Variants in ZMIZ1 observed in about 807,000 individuals in gnomAD.
ZMIZ1 encodes the protein zinc finger MIZ-type containing 1, also known as zinc finger MIZ domain-containing protein 1.
ZMIZ1 carries 17 observed loss-of-function variants against 113.9 expected under a neutral mutation model. The observed-to-expected ratio is 0.15, with a 90% CI of 0.10 to 0.22. The LOEUF is 0.22. Among genes scored for constraint, ZMIZ1 ranks in the 10% least tolerant of loss-of-function variants. The pLI is 1.00. For missense variants in ZMIZ1, 1,059 were observed against 1,477.8 expected (o/e 0.72, Z 4.65); for synonymous variants, 607 against 603.1 (o/e 1.01, Z -0.09).
At chr10:79,070,047 C>G (rs1842204261) in intron 1 of ZMIZ1, among the ~76,000 whole-genome samples, 1 of 151,622 alleles carries the variant, frequency 6.6e-6, no homozygotes, top group Admixed American at 6.6e-5. Context: ...AGTAATTTCC[C>G]CGTGTTCTTT....
At chr10:79,149,711 C>T (rs1031726058) in intron 3 of ZMIZ1, among the ~76,000 whole-genome samples, 9 of 152,206 alleles carry the variant, frequency 5.9e-5, no homozygotes, top group Non-Finnish European at 1.3e-4. Flanking sequence ...TGCAAGAGCT[C>T]GCCCTCCAGG....
At position 79,169,239 on chromosome 10, in the gene ZMIZ1, C is replaced by T. The variant is rs569392777; in HGVS notation, c.-50+7106C>T. ...TCTCTGGTCCCTGGCCTCACCCAGA[C>T]TTCCCGTCACAACCCCTGACCCCTG... On this transcript the variant is annotated intron_variant, in intron 4 of 24. Transcript: ENST00000334512. 2.6e-5 allele frequency among the ~76,000 whole-genome samples: 4 copies of T among 152,346 alleles called. No individual in the cohort carries two copies. In the East Asian group the frequency reaches 7.7e-4, roughly 29 times the overall value.
At position 79,183,364 on chromosome 10, in the gene ZMIZ1, A is replaced by G. The variant is rs936879719; in HGVS notation, c.-49-18220A>G. Among the ~76,000 whole-genome samples the G allele has an allele frequency of 4.8e-4, 71 of 148,344 alleles. No individual in the cohort carries two copies. The South Asian group carries it at 6.1e-3, about 13-fold the overall frequency. On this transcript the variant is annotated intron_variant, in intron 4 of 24. Transcript: ENST00000334512. Reference sequence around the variant, plus strand: ...GCCTGAGGCTCGTGCACGCGCACACACACACACACACACACACACGCACAC... The same window carrying G: ...GCCTGAGGCTCGTGCACGCGCACACGCACACACACACACACACACGCACAC...
At chr10:79,165,443 G>T (rs1410474826) in intron 4 of ZMIZ1, among the ~76,000 whole-genome samples, 1 of 152,206 alleles carries the variant, frequency 6.6e-6, no homozygotes, top group African/African-American at 2.4e-5. Context: ...AGGGAGGAGG[G>T]TGTGTGGCTG....
intron 1 of ZMIZ1, among the ~76,000 whole-genome samples, chr10:79,100,887 C>T (rs1420513281): frequency 6.6e-6 from 1 of 152,162 alleles, no homozygotes; most frequent in African/African-American, 2.4e-5. Context: ...CACACAGCAT[C>T]CCTGGGTGCC....
chr10:79,285,620 A>G (rs1255889564), intron 8 of ZMIZ1: 2 of 455,854 alleles, frequency 4.4e-6, no homozygotes, highest in South Asian at 3.1e-5. Flanking sequence ...CATCACTCCA[A>G]GGGTGAGTGC....
chr10:79,098,259 G>C (rs1461471652), intron 1 of ZMIZ1, among the ~76,000 whole-genome samples: 3 of 152,224 alleles, frequency 2.0e-5, no homozygotes, highest in Non-Finnish European at 2.9e-5. Flanking sequence ...TTATGCGGGA[G>C]TGAGGACTTT....
chr10:79,103,077 G>A (rs1229827385), intron 1 of ZMIZ1, among the ~76,000 whole-genome samples: 1 of 152,012 alleles, frequency 6.6e-6, no homozygotes, highest in African/African-American at 2.4e-5. Flanking sequence ...GGGTGGGGGA[G>A]GCGGCATGTA....
intron 14 of ZMIZ1, 110 bp from the exon 15 acceptor site, chr10:79,298,296 C>T (rs1184788237): frequency 6.3e-6 from 8 of 1,265,156 alleles, no homozygotes; most frequent in Admixed American, 2.6e-5. Context: ...GCTCTCCTCC[C>T]GAGGGGCATG....
chr10:79,102,341 C>T (rs1165816668), intron 1 of ZMIZ1, among the ~76,000 whole-genome samples: 2 of 152,238 alleles, frequency 1.3e-5, no homozygotes, highest in African/African-American at 4.8e-5. Context: ...GGCGCAGCAG[C>T]GTGACCTGAA....
At chr10:79,144,889 C>T (rs539905835) in intron 3 of ZMIZ1, among the ~76,000 whole-genome samples, 6 of 152,084 alleles carry the variant, frequency 3.9e-5, no homozygotes, top group African/African-American at 1.4e-4. Context: ...TTTTCCAAGG[C>T]CCTGACCTCC....
chr10:79,093,167 C>CAT lies in ZMIZ1; in HGVS notation c.-337+23898_-337+23899insTA, dbSNP rs1843043809. 3.1e-5 allele frequency among the ~76,000 whole-genome samples: 4 copies of CAT among 129,818 alleles called. No homozygotes were observed. The Admixed American group carries it at 3.3e-4, about 11-fold the overall frequency. The allele number at this position is 129,818 out of a possible 152,430, so 85.2% of individuals were successfully genotyped here. A position where few individuals can be genotyped will look rare whatever the true frequency, so the allele number is the denominator to read the frequency against. ...ACACACACACACACACACACACACACACACACACATATTCAGGGGATGCTT... is the reference window on the plus strand; with the variant it reads ...ACACACACACACACACACACACACACATACACACACATATTCAGGGGATGCTT... On this transcript the variant is annotated intron_variant, in intron 1 of 24. Transcript: ENST00000334512.
rs529701355 is a variant in ZMIZ1, at chr10:79,248,335, C to T, written c.281-28846C>T. The stretch of plus-strand genomic sequence containing the variant: ...GGCTTGGAAACCAGGAGAGGTATGG[C>T]GCTTGATGAGAAAGGAGGATGTCCC... On this transcript the variant is annotated intron_variant, in intron 7 of 24. Coordinates refer to ENST00000334512, the MANE Select transcript of ZMIZ1 (RefSeq NM_020338.4). 2.0e-5 allele frequency among the ~76,000 whole-genome samples: 3 copies of T among 152,158 alleles called. No individual in the cohort carries two copies. The East Asian group carries it at 5.8e-4, about 29-fold the overall frequency.
At chr10:79,161,182 C>T (rs1053646046) in intron 3 of ZMIZ1, among the ~76,000 whole-genome samples, 4 of 152,208 alleles carry the variant, frequency 2.6e-5, no homozygotes, top group Non-Finnish European at 4.4e-5. Context: ...GCCATCTCTG[C>T]CCCGAGCACC....
At chr10:79,209,465 T>G (rs1490357618) in intron 6 of ZMIZ1, among the ~76,000 whole-genome samples, 1 of 152,176 alleles carries the variant, frequency 6.6e-6, no homozygotes, top group Admixed American at 6.5e-5. Context: ...GGGCAGCTGC[T>G]CAGAAGGCCC....
intron 2 of ZMIZ1, among the ~76,000 whole-genome samples, chr10:79,125,247 C>T (rs926120303): frequency 6.6e-6 from 1 of 152,222 alleles, no homozygotes; most frequent in Non-Finnish European, 1.5e-5. Context: ...CTGCCATGGG[C>T]CTGACCTCAG....
rs533545375 is a variant in ZMIZ1, at chr10:79,113,524, G to A, written c.-336-5391G>A. The stretch of plus-strand genomic sequence containing the variant: ...ACTGGTGCCTGGAGGAGAGGCTGAA[G>A]TTCCAGCCTGCTCCACACTCCACTT... On this transcript the variant is annotated intron_variant, in intron 1 of 24. Coordinates refer to ENST00000334512, the MANE Select transcript of ZMIZ1 (RefSeq NM_020338.4). Among the ~76,000 whole-genome samples the A allele has an allele frequency of 2.0e-3, 298 of 152,312 alleles. 1 individual carries two copies. Among genetic ancestry groups the A allele is most frequent in the African/African-American group, 6.7e-3 (280 of 41,576 alleles).
chr10:79,128,426 G>A (rs1048009208), intron 2 of ZMIZ1, among the ~76,000 whole-genome samples: 3 of 152,204 alleles, frequency 2.0e-5, no homozygotes, highest in Non-Finnish European at 2.9e-5. Context: ...TGTGACCATA[G>A]CACATTTCCA....
intron 1 of ZMIZ1, among the ~76,000 whole-genome samples, chr10:79,081,548 C>G (rs1014032756): frequency 6.6e-6 from 1 of 152,218 alleles, no homozygotes; most frequent in African/African-American, 2.4e-5. Flanking sequence ...CCTCTTGCAG[C>G]ATGCTCGCCT....
Sources: allele counts gnomAD v4.1 joint callset (sites outside exome capture counted in the v4.1 genomes callset), GRCh38; gene constraint gnomAD v4.1.1; transcripts MANE v1.5; gene names NCBI Gene and HGNC (gene_info 2026-07-23, HGNC 2026-07-21).